Variants in CDKN2B-AS1 observed in about 807,000 individuals in gnomAD.
The protein encoded by CDKN2B-AS1 is CDKN2B antisense RNA 1 (non-protein coding).
At position 22,110,838 on chromosome 9, in the gene CDKN2B-AS1, G is replaced by C. The variant is rs114920184; in HGVS notation, n.439-16265G>C. Among the ~76,000 whole-genome samples the C allele has an allele frequency of 4.0e-3, 613 of 152,042 alleles. 8 individuals carry two copies. Among genetic ancestry groups the C allele is most frequent in the African/African-American group, 0.014 (579 of 41,500 alleles). Reference sequence around the variant, plus strand: ...CAAATTTTGTGCCAAACATTAACTTGTTTTCTTTAGCTTTGCCATCTATGT... The same window carrying C: ...CAAATTTTGTGCCAAACATTAACTTCTTTTCTTTAGCTTTGCCATCTATGT... On this transcript the variant is annotated intron_variant and non_coding_transcript_variant, in intron 4 of 4. Transcript: ENST00000650946.
At chr9:22,089,490 C>A (rs1034088395) in intron 4 of CDKN2B-AS1, among the ~76,000 whole-genome samples, 5 of 152,076 alleles carry the variant, frequency 3.3e-5, no homozygotes, top group African/African-American at 1.2e-4. Flanking sequence ...ACCGGAGTGG[C>A]TCAATCACAG....
In CDKN2B-AS1 at chr9:21,997,402, CTGTG is replaced by C. The variant is rs1267187870; in HGVS notation, n.29+2247_29+2250del. Among the ~76,000 whole-genome samples, 1 of 151,812 alleles carries C rather than the reference CTGTG, an allele frequency of 6.6e-6. No homozygotes were observed. The highest frequency in any genetic ancestry group is 2.4e-5 in the African/African-American group (1 of 41,306). The stretch of plus-strand genomic sequence containing the variant: ...AAGCATCGTTATCCAGCACATGACT[CTGTG>C]TGTGTATACAATTTTATATATACGT... On this transcript the variant is annotated intron_variant and non_coding_transcript_variant, in intron 1 of 4. Coordinates refer to ENST00000650946, the Ensembl canonical transcript of CDKN2B-AS1. This position sits in a 1 kb window ranked among gnomAD's most constrained non-coding sequence, Gnocchi z 4.8.
At chr9:22,122,073 T>TC (rs397739033) in intron 4 of CDKN2B-AS1, among the ~76,000 whole-genome samples, 18 of 151,550 alleles carry the variant, frequency 1.2e-4, no homozygotes, top group East Asian at 9.7e-4. Flanking sequence ...TTTTTTTTTT[T>TC]GTCTCTTTGA....
rs1423585772 is a variant in CDKN2B-AS1 at position 22,039,723 on chromosome 9, C to T, written n.30-7028C>T. Among the ~76,000 whole-genome samples, 1 of 151,980 alleles carries T rather than the reference C, an allele frequency of 6.6e-6. No homozygotes were observed. The highest frequency in any genetic ancestry group is 2.4e-5 in the African/African-American group (1 of 41,406). On this transcript the variant is annotated intron_variant and non_coding_transcript_variant, in intron 1 of 4. Coordinates refer to ENST00000650946, the Ensembl canonical transcript of CDKN2B-AS1. This position sits in a 1 kb window ranked among gnomAD's most constrained non-coding sequence, Gnocchi z 4.4. ...CACGGTTTTTCTGACCTCTCAGCTC[C>T]TAAATAAACTTTGCCAAATCTTCAG...
chr9:22,031,943 C>G (rs1480213371), intron 1 of CDKN2B-AS1, among the ~76,000 whole-genome samples: 2 of 152,188 alleles, frequency 1.3e-5, no homozygotes, highest in African/African-American at 4.8e-5. Context: ...CAACAGCAAG[C>G]AGTAAACAGA....
chr9:22,022,086 A>G (rs553092527), intron 1 of CDKN2B-AS1, among the ~76,000 whole-genome samples: 1 of 152,208 alleles, frequency 6.6e-6, no homozygotes, highest in Non-Finnish European at 1.5e-5. Flanking sequence ...TATGTGATCA[A>G]TTTTAGAGTA....
At chr9:22,083,192 G>C (rs1824757636) in intron 4 of CDKN2B-AS1, among the ~76,000 whole-genome samples, 1 of 152,150 alleles carries the variant, frequency 6.6e-6, no homozygotes, top group Non-Finnish European at 1.5e-5. Flanking sequence ...GCATCATACA[G>C]AGATGAACTA....
At chr9:22,127,872 C>T (rs1818039331) in exon 5 of CDKN2B-AS1, among the ~76,000 whole-genome samples, 1 of 152,146 alleles carries the variant, frequency 6.6e-6, no homozygotes, top group African/African-American at 2.4e-5. Flanking sequence ...ATGCAAATTT[C>T]TCAATGTAAG....
At chr9:22,046,599 G>A (rs1051818593) in intron 1 of CDKN2B-AS1, 17 of 152,132 alleles carry the variant, frequency 1.1e-4, no homozygotes, top group African/African-American at 3.9e-4. Flanking sequence ...TTGAGTATAG[G>A]TATACCATAT....
intron 1 of CDKN2B-AS1, among the ~76,000 whole-genome samples, chr9:22,017,235 G>A (rs1057514203): frequency 6.6e-6 from 1 of 152,146 alleles, no homozygotes; most frequent in African/African-American, 2.4e-5. Context: ...GACCAGCCTG[G>A]CCAATATGGT....
chr9:22,040,250 TC>T (rs1372544731), intron 1 of CDKN2B-AS1, among the ~76,000 whole-genome samples: 1 of 152,070 alleles, frequency 6.6e-6, no homozygotes, highest in Non-Finnish European at 1.5e-5. Context: ...TCTTGCTTAT[TC>T]CTTATCAGCA....
At chr9:22,114,306 C>T (rs555132625) in intron 4 of CDKN2B-AS1, among the ~76,000 whole-genome samples, 5 of 152,266 alleles carry the variant, frequency 3.3e-5, no homozygotes, top group South Asian at 2.1e-4. Context: ...ATTAAAAGTC[C>T]TGATTCTTCC....
chr9:22,008,989 C>G (rs1399938505), intron 1 of CDKN2B-AS1: 1 of 1,613,448 alleles, frequency 6.2e-7, no homozygotes, highest in Non-Finnish European at 8.5e-7. Context: ...CCCGGATAAT[C>G]CACCGTTGGC....
intron 4 of CDKN2B-AS1, among the ~76,000 whole-genome samples, chr9:22,062,403 G>A (rs1235826389): frequency 6.6e-6 from 1 of 152,200 alleles, no homozygotes; most frequent in Non-Finnish European, 1.5e-5. Context: ...GGCACAGCTT[G>A]ATATGGAGGT....
chr9:22,050,946 C>T (rs1359199423), intron 3 of CDKN2B-AS1, among the ~76,000 whole-genome samples: 3 of 152,130 alleles, frequency 2.0e-5, no homozygotes, highest in Admixed American at 6.6e-5. Context: ...AAACGGCTAC[C>T]GTTTTTGCAG....
intron 1 of CDKN2B-AS1, among the ~76,000 whole-genome samples, chr9:21,998,975 T>TA (rs535718873): frequency 6.6e-6 from 1 of 151,774 alleles, no homozygotes; most frequent in Non-Finnish European, 1.5e-5. Flanking sequence ...AACAATCCAA[T>TA]AAAAAAGGCA....
At chr9:22,057,665 A>G (rs1400166041) in intron 4 of CDKN2B-AS1, among the ~76,000 whole-genome samples, 4 of 152,084 alleles carry the variant, frequency 2.6e-5, no homozygotes. Flanking sequence ...AAAATTAGCC[A>G]GGTGTGGTGG....
chr9:22,033,982 A>G (rs1366760482), intron 1 of CDKN2B-AS1, among the ~76,000 whole-genome samples: 1 of 152,188 alleles, frequency 6.6e-6, no homozygotes, highest in Non-Finnish European at 1.5e-5. Context: ...CAGGGTTTGA[A>G]CCCAAGTATG....
chr9:22,002,527 A>C (rs1820970540), intron 1 of CDKN2B-AS1, among the ~76,000 whole-genome samples: 1 of 152,024 alleles, frequency 6.6e-6, no homozygotes, highest in African/African-American at 2.4e-5. Context: ...CAGTGTGTTA[A>C]TATTTTCAAA....
Sources: allele counts gnomAD v4.1 joint callset (sites outside exome capture counted in the v4.1 genomes callset), GRCh38; gene constraint gnomAD v4.1.1; non-coding constraint Gnocchi (gnomAD v3.1); transcripts MANE v1.5; gene names NCBI Gene and HGNC (gene_info 2026-07-23, HGNC 2026-07-21).